The following MZT2B variants were observed in gnomAD, a reference collection of about 807,000 sequenced individuals.
MZT2B encodes the protein mitotic-spindle organizing protein 2B.
Under a neutral mutation model 12.1 loss-of-function variants are expected in MZT2B, and 11 were observed. That is an observed-to-expected ratio of 0.91 (90% CI 0.57 to 1.50). The LOEUF is 1.50. Among genes scored for constraint, MZT2B ranks in the 40% most tolerant of loss-of-function variants. MZT2B has a pLI of 0.00. For synonymous variants in MZT2B, 85 were observed against 109.5 expected (o/e 0.78, Z 1.40); for missense variants, 209 against 227.7 (o/e 0.92, Z 0.53).
downstream of MZT2B, chr2:130,193,668 C>T (rs1345194721): frequency 6.8e-6 from 9 of 1,324,264 alleles, no homozygotes; most frequent in Non-Finnish European, 9.3e-6. Flanking sequence ...CTAACTTATG[C>T]CCACATGCCT....
the MZT2B span, chr2:130,196,125 GC>G: frequency 1.3e-6 from 2 of 1,593,088 alleles, no homozygotes; most frequent in Non-Finnish European, 1.7e-6. Context: ...CAGGAAAGCT[GC>G]CATCCAGTGC....
chr2:130,193,353 A>G (rs546545532), downstream of MZT2B, among the ~76,000 whole-genome samples: 436 of 152,178 alleles, frequency 2.9e-3, 2 homozygotes, highest in African/African-American at 9.8e-3. Flanking sequence ...TCACGACTGT[A>G]ATCCCAGCAC....
intron 2 of MZT2B, 97 bp downstream of exon 2, chr2:130,182,872 G>A: frequency 4.8e-6 from 7 of 1,470,338 alleles, no homozygotes; most frequent in Non-Finnish European, 6.3e-6. Flanking sequence ...TGAGTGGCCA[G>A]GCCTGTCTGT....
At chr2:130,188,597 G>A (rs6431133) in intron 2 of MZT2B, among the ~76,000 whole-genome samples, 2,493 of 152,236 alleles carry the variant, frequency 0.016, 23 homozygotes, top group African/African-American at 0.055. Context: ...CTCCATCTTT[G>A]TTGAGTCAAG....
Position 130,182,755 on chromosome 2 carries a change from C to G in MZT2B, c.299C>G (p.Ser100Trp). 1 of 1,509,664 alleles carries G rather than the reference C, an allele frequency of 6.6e-7. No homozygotes were observed. The highest frequency in any genetic ancestry group is 8.9e-7 in the Non-Finnish European group (1 of 1,125,474). The allele number at this position is 1,509,664 out of a possible 1,614,324, so 93.5% of individuals were successfully genotyped here. A position where few individuals can be genotyped will look rare whatever the true frequency, so the allele number is the denominator to read the frequency against. The change falls in exon 2 of 3, where the codon TCG (serine) becomes TGG (tryptophan). Residue 100 changes from serine (S) to tryptophan (W), a missense_variant. Coordinates refer to ENST00000281871, the MANE Select transcript of MZT2B (RefSeq NM_025029.5). ...QDPAAVSLPT[S>W]SVPETRGRNK... ...CCTGCGGCCGTGTCTCTGCCCACGT[C>G]GAGCGTGCCCGAGACCCGAGGTCAG...
At chr2:130,184,125 G>C (rs779633949) in intron 2 of MZT2B, 1 of 1,515,026 alleles carries the variant, frequency 6.6e-7, no homozygotes, top group Non-Finnish European at 8.8e-7. Flanking sequence ...TTTCTGACTC[G>C]GTTTATTAGA....
At position 130,190,472 on chromosome 2, in the gene MZT2B, G is replaced by A; in HGVS notation, c.323G>A (p.Arg108Lys). 6.2e-7 allele frequency: 1 copy of A among 1,613,446 alleles called. No individual in the cohort carries two copies. The highest frequency in any genetic ancestry group is 8.5e-7 in the Non-Finnish European group (1 of 1,179,680). The change falls in exon 3 of 3, where the codon AGA becomes AAA. Residue 108 changes from arginine (R) to lysine (K), a missense_variant. Arg to Lys is a conservative substitution (Grantham distance 26). Coordinates refer to ENST00000281871, the MANE Select transcript of MZT2B (RefSeq NM_025029.5). Reference protein sequence around the residue: ...PTSSVPETRGRNKGSAALGGA... With the variant: ...PTSSVPETRGKNKGSAALGGA... ...ATTGTGCTTTGTGTCTCCTCAGGGAGAAACAAAGGCAGCGCTGCCCTCGGG... is the reference window on the plus strand; with the variant it reads ...ATTGTGCTTTGTGTCTCCTCAGGGAAAAACAAAGGCAGCGCTGCCCTCGGG...
intron 2 of MZT2B, among the ~76,000 whole-genome samples, chr2:130,190,193 C>T (rs1690211132): frequency 6.6e-6 from 1 of 152,146 alleles, no homozygotes; most frequent in Non-Finnish European, 1.5e-5. Flanking sequence ...TGGCATGTGT[C>T]CTTTCAAAAT....
At chr2:130,188,687 T>C (rs1022801762) in intron 2 of MZT2B, among the ~76,000 whole-genome samples, 6 of 152,084 alleles carry the variant, frequency 3.9e-5, no homozygotes, top group African/African-American at 1.4e-4. Flanking sequence ...AAAGATCTCA[T>C]TCTCTGAGGA....
At chr2:130,184,059 C>G (rs763331758) in intron 2 of MZT2B, 9 of 1,549,978 alleles carry the variant, frequency 5.8e-6, no homozygotes, top group Middle Eastern at 1.7e-4. Context: ...GCTTTGAGCT[C>G]CAAGGGCAGG....
downstream of MZT2B, chr2:130,195,113 A>T (rs6760811): frequency 2.7e-3 from 4,418 of 1,610,490 alleles, 66 homozygotes; most frequent in African/African-American, 0.052. Context: ...TAGGTCAACA[A>T]TCTCCTTGCC....
At chr2:130,193,519 G>A (rs569328425), downstream of MZT2B, among the ~76,000 whole-genome samples, 5 of 148,742 alleles carry the variant, frequency 3.4e-5, no homozygotes, top group Admixed American at 2.8e-4. Context: ...TGAGGCCAGA[G>A]AATTGCTTGA....
chr2:130,202,326 C>T, the MZT2B span: 1 of 1,289,922 alleles, frequency 7.8e-7, no homozygotes, highest in Non-Finnish European at 1.0e-6. Flanking sequence ...TTCAAACAGG[C>T]TTGAGTGACA....
intron 2 of MZT2B, chr2:130,187,977 G>C (rs1407178135): frequency 1.7e-4 from 26 of 152,032 alleles, no homozygotes; most frequent in Non-Finnish European, 2.5e-4. Context: ...CCGTGAGTTT[G>C]GGGCAGCAAT....
chr2:130,202,556 G>C, the MZT2B span: 1 of 965,798 alleles, frequency 1.0e-6, no homozygotes, highest in Non-Finnish European at 1.3e-6. Flanking sequence ...GACTGTCCCT[G>C]CTGCAAGCAG....
At chr2:130,201,758 G>A in the MZT2B span, among the ~76,000 whole-genome samples, 38 of 152,158 alleles carry the variant, frequency 2.5e-4, no homozygotes, top group Non-Finnish European at 3.1e-4. Flanking sequence ...TCGTTGACGT[G>A]AGAACATCAC....
At chr2:130,189,354 C>T (rs1395266026) in intron 2 of MZT2B, among the ~76,000 whole-genome samples, 1 of 152,166 alleles carries the variant, frequency 6.6e-6, no homozygotes, top group South Asian at 2.1e-4. Context: ...AAACGTGTAT[C>T]AGTGTCTGGT....
chr2:130,202,754 A>G, the MZT2B span, among the ~76,000 whole-genome samples: 1 of 152,136 alleles, frequency 6.6e-6, no homozygotes, highest in Non-Finnish European at 1.5e-5. Flanking sequence ...CAACTCCCCC[A>G]GCCCCGCCCA....
Position 130,190,496 on chromosome 2 carries a change from G to C in MZT2B, c.347G>C (p.Gly116Ala). ...RGRNKGSAAL[G>A]GALALAERSS... ...AGAAACAAAGGCAGCGCTGCCCTCG[G>C]GGGAGCATTGGCCCTGGCGGAACGC... Residue 116 changes from glycine (G) to alanine (A), a missense_variant, in exon 3 of 3, where the codon GGG (glycine) becomes GCG (alanine). Gly to Ala is a moderately conservative substitution (Grantham distance 60). Transcript: ENST00000281871. 6.2e-7 allele frequency: 1 copy of C among 1,613,748 alleles called. No homozygotes were observed. The highest frequency in any genetic ancestry group is 8.5e-7 in the Non-Finnish European group (1 of 1,179,918).
Sources: gnomAD v4.1 joint callset for allele counts (sites outside exome capture counted in the v4.1 genomes callset) on GRCh38, gnomAD v4.1.1 for gene constraint, MANE v1.5 for transcripts, NCBI Gene and HGNC (gene_info 2026-07-23, HGNC 2026-07-21) for gene names.